FER: variants seen among roughly 807,000 people sequenced by gnomAD.
FER encodes FER tyrosine kinase.
A neutral mutation model predicts 111.0 loss-of-function variants in FER; 63 were observed. The observed-to-expected ratio is 0.57, with a 90% CI of 0.46 to 0.70. The LOEUF (loss-of-function observed/expected upper bound fraction) is 0.70, where lower values mean the gene tolerates loss of function less well. FER is among the 30% of genes least tolerant of loss of function. The probability of loss-of-function intolerance (pLI) is 0.00; values close to 1 mark genes in which losing one functional copy is unlikely to be tolerated. For missense variants in FER, 914 were observed against 954.0 expected (o/e 0.96, Z 0.55); for synonymous variants, 327 against 313.9 (o/e 1.04, Z -0.44).
At chr5:108,993,318 C>G (rs576263154) in intron 13 of FER, among the ~76,000 whole-genome samples, 20 of 152,370 alleles carry the variant, frequency 1.3e-4, no homozygotes, top group Admixed American at 3.3e-4. Flanking sequence ...TGGCGGATCA[C>G]TCGCGGTTAG....
At chr5:109,176,999 G>A (rs564499392) in intron 17 of FER, among the ~76,000 whole-genome samples, 1 of 152,248 alleles carries the variant, frequency 6.6e-6, no homozygotes, top group East Asian at 1.9e-4. Flanking sequence ...GTATCTAAAT[G>A]TATAACAATG....
intron 10 of FER, among the ~76,000 whole-genome samples, chr5:108,930,809 T>TCA (rs1754558209): frequency 6.6e-6 from 1 of 151,244 alleles, no homozygotes; most frequent in South Asian, 2.1e-4. Flanking sequence ...AGACAGGGTT[T>TCA]CACCATGTTG....
intron 16 of FER, among the ~76,000 whole-genome samples, chr5:109,057,598 G>A (rs991123167): frequency 1.3e-5 from 2 of 152,142 alleles, no homozygotes; most frequent in African/African-American, 4.8e-5. Flanking sequence ...CAGTCCTCCT[G>A]CCTCAGCCTC....
At chr5:108,755,117 T>C (rs1238239314) in intron 1 of FER, among the ~76,000 whole-genome samples, 3 of 152,216 alleles carry the variant, frequency 2.0e-5, no homozygotes, top group Non-Finnish European at 2.9e-5. Flanking sequence ...TTAAAGCTAT[T>C]AATTTTTTTG....
chr5:109,000,671 A>G (rs1302114585), intron 13 of FER, among the ~76,000 whole-genome samples: 1 of 152,114 alleles, frequency 6.6e-6, no homozygotes, highest in Non-Finnish European at 1.5e-5. Flanking sequence ...AACTGAAGGA[A>G]ATAGAGACAC....
At chr5:109,012,075 C>T (rs543868139) in intron 13 of FER, among the ~76,000 whole-genome samples, 10 of 152,234 alleles carry the variant, frequency 6.6e-5, no homozygotes, top group Non-Finnish European at 1.5e-4. Context: ...CATCTCTTCT[C>T]TGCATTCGCC....
intron 13 of FER, 61 bp downstream of exon 13, chr5:108,959,408 T>G: frequency 1.9e-5 from 29 of 1,496,886 alleles, no homozygotes; most frequent in Non-Finnish European, 2.6e-5. Context: ...GAGTTAACAT[T>G]TCCAACAGTA....
chr5:109,099,197 A>G (rs1036003321), intron 16 of FER, among the ~76,000 whole-genome samples: 52 of 151,700 alleles, frequency 3.4e-4, no homozygotes, highest in African/African-American at 4.1e-4. Flanking sequence ...GCAATAAACT[A>G]TAAAGTAACT....
chr5:108,828,938 T>C (rs1322961265), intron 3 of FER, among the ~76,000 whole-genome samples: 1 of 152,040 alleles, frequency 6.6e-6, no homozygotes, highest in Non-Finnish European at 1.5e-5. Context: ...TCTCTATTTT[T>C]TTAAAAAAAG....
intron 11 of FER, among the ~76,000 whole-genome samples, chr5:108,951,094 C>A (rs940299760): frequency 6.6e-6 from 1 of 151,882 alleles, no homozygotes; most frequent in African/African-American, 2.4e-5. Context: ...CATGGTGAAA[C>A]CCTGTCTCCA....
At chr5:108,864,303 T>C (rs762472415) in intron 5 of FER, among the ~76,000 whole-genome samples, 1 of 152,196 alleles carries the variant, frequency 6.6e-6, no homozygotes, top group Admixed American at 6.5e-5. Flanking sequence ...GATGTGGATG[T>C]AGTTCCTGAG....
chr5:109,017,508 C>A (rs1767310507), intron 13 of FER, among the ~76,000 whole-genome samples: 1 of 151,854 alleles, frequency 6.6e-6, no homozygotes, highest in Non-Finnish European at 1.5e-5. Context: ...CTTGTATATT[C>A]ACAGTCTTTC....
intron 3 of FER, chr5:108,830,533 T>C (rs1292528981): frequency 6.6e-6 from 1 of 152,200 alleles, no homozygotes; most frequent in Non-Finnish European, 1.5e-5. Context: ...ACAGTTATAT[T>C]AATTTTTAAA....
intron 5 of FER, among the ~76,000 whole-genome samples, chr5:108,851,673 T>C (rs1762557596): frequency 6.6e-6 from 1 of 152,224 alleles, no homozygotes; most frequent in Admixed American, 6.5e-5. Flanking sequence ...ATGTGATTTT[T>C]CTTTGAAATT....
In FER at chr5:109,188,477, T is replaced by G. The variant is rs1418485576; in HGVS notation, c.*902T>G. The G allele has an allele frequency of 6.7e-6, 1 of 149,958 alleles. No homozygotes were observed. Among genetic ancestry groups the G allele is most frequent in the Non-Finnish European group, 1.5e-5 (1 of 67,306 alleles). The allele number at this position is 149,958 out of a possible 1,614,324, so 9.3% of individuals were successfully genotyped here. On this transcript the variant is annotated 3_prime_UTR_variant, in exon 20 of 20. Coordinates refer to ENST00000281092, the MANE Select transcript of FER (RefSeq NM_005246.4). ...TGCTTTTCAAGGATGTACAGAGAGC[T>G]GTGAAGCAAGAAACAGATTTGAACA...
chr5:108,800,699 AG>A (rs1756546308), intron 3 of FER, among the ~76,000 whole-genome samples: 1 of 152,162 alleles, frequency 6.6e-6, no homozygotes, highest in South Asian at 2.1e-4. Context: ...TCTACCTATA[AG>A]TAAAGTCTAC....
intron 11 of FER, among the ~76,000 whole-genome samples, chr5:108,954,124 A>T (rs983713358): frequency 3.9e-5 from 6 of 152,086 alleles, no homozygotes; most frequent in Non-Finnish European, 8.8e-5. Flanking sequence ...GTTTTCAGTG[A>T]TGCTATTTCT....
chr5:109,175,958 G>A (rs192883755), intron 17 of FER, among the ~76,000 whole-genome samples: 57 of 152,232 alleles, frequency 3.7e-4, no homozygotes, highest in African/African-American at 1.3e-3. Context: ...CAGCCCAGGC[G>A]ACAGAGCAAG....
At chr5:109,121,687 A>G (rs1271923513) in intron 17 of FER, among the ~76,000 whole-genome samples, 2 of 151,902 alleles carry the variant, frequency 1.3e-5, no homozygotes, top group Non-Finnish European at 2.9e-5. Context: ...TTTTTCTTTA[A>G]ATGTTTGGTA....
Sources: allele counts gnomAD v4.1 joint callset (sites outside exome capture counted in the v4.1 genomes callset), GRCh38; gene constraint gnomAD v4.1.1; transcripts MANE v1.5; gene names NCBI Gene and HGNC (gene_info 2026-07-23, HGNC 2026-07-21).